The following CDH13 variants were observed in gnomAD, a reference collection of about 807,000 sequenced individuals.
CDH13 encodes cadherin-13.
A neutral mutation model predicts 63.8 loss-of-function variants in CDH13; 24 were observed. The observed-to-expected ratio is 0.38, with a 90% confidence interval of 0.27 to 0.53. The LOEUF is 0.53. Among genes scored for constraint, CDH13 ranks in the 20% least tolerant of loss-of-function variants. CDH13 has a pLI of 0.85. For missense variants in CDH13, 1,049 were observed against 903.1 expected (o/e 1.16, Z -2.07); for synonymous variants, 503 against 355.3 (o/e 1.42, Z -4.67).
intron 6 of CDH13, among the ~76,000 whole-genome samples, chr16:83,464,423 A>G (rs779956346): frequency 1.3e-5 from 2 of 152,228 alleles, no homozygotes; most frequent in Non-Finnish European, 2.9e-5. Context: ...GAAGCAGGAG[A>G]ATCGCTTGAA....
At chr16:83,679,190 T>A (rs1915203162) in intron 10 of CDH13, among the ~76,000 whole-genome samples, 1 of 152,226 alleles carries the variant, frequency 6.6e-6, no homozygotes. Flanking sequence ...GAGATTTAAT[T>A]AAATGGTCGC....
intron 10 of CDH13, among the ~76,000 whole-genome samples, chr16:83,719,853 G>A (rs1489582847): frequency 6.6e-6 from 1 of 152,124 alleles, no homozygotes; most frequent in Non-Finnish European, 1.5e-5. Flanking sequence ...CACTCACTGT[G>A]GGGCAGAATT....
intron 10 of CDH13, chr16:83,721,886 C>T (rs1219937284): frequency 6.6e-6 from 1 of 152,228 alleles, no homozygotes; most frequent in African/African-American, 2.4e-5. Context: ...ATCTCACACA[C>T]ATCTAGGGAC....
chr16:83,269,827 G>A (rs716879), intron 5 of CDH13, among the ~76,000 whole-genome samples: 51,266 of 151,948 alleles, frequency 0.34, 8,973 homozygotes, highest in East Asian at 0.58. Flanking sequence ...CTGGAGAACC[G>A]TTAATCCCTT....
At chr16:83,573,444 C>G (rs376313584) in intron 7 of CDH13, among the ~76,000 whole-genome samples, 1 of 152,166 alleles carries the variant, frequency 6.6e-6, no homozygotes, top group Admixed American at 6.5e-5. Flanking sequence ...AAGGAAACTA[C>G]TAGAGGAAGG....
At chr16:82,693,501 C>T (rs547529298) in intron 1 of CDH13, among the ~76,000 whole-genome samples, 2 of 152,288 alleles carry the variant, frequency 1.3e-5, no homozygotes, top group East Asian at 1.9e-4. Context: ...GAGCTCTAAA[C>T]ATTTAGTTAC....
chr16:83,771,022 T>C (rs1203887904), intron 11 of CDH13, among the ~76,000 whole-genome samples: 3 of 152,148 alleles, frequency 2.0e-5, no homozygotes, highest in Non-Finnish European at 4.4e-5. Context: ...ACATTTTCCT[T>C]AATCTGAGTG....
chr16:82,886,700 G>C lies in CDH13; in HGVS notation c.157+28227G>C, dbSNP rs537386567. Among the ~76,000 whole-genome samples the C allele has an allele frequency of 1.2e-3, 181 of 152,132 alleles. 1 individual carries two copies. The highest frequency in any genetic ancestry group is 4.1e-3 in the African/African-American group (170 of 41,514). On this transcript the variant is annotated intron_variant, in intron 2 of 13. Transcript: ENST00000567109. ...ACACCGGCTCCATGCACTGTTCTAA[G>C]CCTTTTTCTGTGTTCTCTGTGATTC... is the stretch of plus-strand genomic sequence containing the variant.
chr16:83,299,834 T>C (rs940982243), intron 5 of CDH13, among the ~76,000 whole-genome samples: 1 of 152,198 alleles, frequency 6.6e-6, no homozygotes, highest in Non-Finnish European at 1.5e-5. Context: ...AATGATGAGC[T>C]CACAGCTTAG....
intron 5 of CDH13, among the ~76,000 whole-genome samples, chr16:83,314,347 A>C (rs1454324449): frequency 6.6e-6 from 1 of 152,172 alleles, no homozygotes; most frequent in East Asian, 1.9e-4. Context: ...AATGTACAGG[A>C]GAAATATAAA....
intron 1 of CDH13, among the ~76,000 whole-genome samples, chr16:82,795,721 G>T (rs914772470): frequency 6.6e-6 from 1 of 152,076 alleles, no homozygotes; most frequent in African/African-American, 2.4e-5. Flanking sequence ...TCCTAATCCA[G>T]CTCACTTCTG....
In CDH13 at chr16:83,047,410, G is replaced by T. The variant is rs1461002657; in HGVS notation, c.366+15192G>T. 1.3e-5 allele frequency among the ~76,000 whole-genome samples: 2 copies of T among 152,080 alleles called. No homozygotes were observed. The highest frequency in any genetic ancestry group is 2.9e-5 in the Non-Finnish European group (2 of 68,012). ...AAGTCCCTTATTCGATTTGGCCCTT[G>T]TTAACAAAGCCTAGTCTGTAAGAGC... On this transcript the variant is annotated intron_variant, in intron 3 of 13. Coordinates refer to ENST00000567109, the MANE Select transcript of CDH13 (RefSeq NM_001257.5). The surrounding 1 kb of genome is among the most constrained non-coding windows in gnomAD (Gnocchi z 4.9).
At chr16:83,498,523 T>G (rs976811690) in intron 7 of CDH13, among the ~76,000 whole-genome samples, 3 of 152,212 alleles carry the variant, frequency 2.0e-5, no homozygotes, top group Non-Finnish European at 4.4e-5. Context: ...CCATGTGTCT[T>G]ACATATCACC....
At chr16:82,852,697 T>A (rs992073906) in intron 1 of CDH13, among the ~76,000 whole-genome samples, 4 of 152,222 alleles carry the variant, frequency 2.6e-5, no homozygotes, top group African/African-American at 9.6e-5. Context: ...AATGCCTAGA[T>A]GTCCAAGCAA....
At chr16:82,773,915 C>A (rs954336017) in intron 1 of CDH13, among the ~76,000 whole-genome samples, 1 of 151,974 alleles carries the variant, frequency 6.6e-6, no homozygotes, top group East Asian at 1.9e-4. Flanking sequence ...TCCCAAGTAG[C>A]TGGGATTACA....
chr16:83,762,864 C>A (rs1007173090), intron 11 of CDH13, among the ~76,000 whole-genome samples: 2 of 152,110 alleles, frequency 1.3e-5, no homozygotes, highest in African/African-American at 2.4e-5. Context: ...TGACTGCAAA[C>A]AATGAAGACA....
chr16:82,978,788 G>A (rs377608388), intron 2 of CDH13, among the ~76,000 whole-genome samples: 4 of 152,354 alleles, frequency 2.6e-5, no homozygotes, highest in East Asian at 3.9e-4. Flanking sequence ...TGGGGTTGGA[G>A]CCCCCACACA....
intron 1 of CDH13, among the ~76,000 whole-genome samples, chr16:82,796,496 C>A (rs1319209616): frequency 2.0e-5 from 3 of 152,154 alleles, no homozygotes; most frequent in Non-Finnish European, 4.4e-5. Flanking sequence ...CAGGGTGGAC[C>A]CCACCATCGT....
intron 4 of CDH13, among the ~76,000 whole-genome samples, chr16:83,170,746 G>A (rs764844567): frequency 7.9e-5 from 12 of 152,106 alleles, no homozygotes; most frequent in Non-Finnish European, 1.6e-4. Flanking sequence ...GAAAGTCCAA[G>A]AGTCGTAACA....
Sources: allele counts gnomAD v4.1 joint callset (sites outside exome capture counted in the v4.1 genomes callset), GRCh38; gene constraint gnomAD v4.1.1; non-coding constraint Gnocchi (gnomAD v3.1); transcripts MANE v1.5; gene names NCBI Gene and HGNC (gene_info 2026-07-23, HGNC 2026-07-21).